Variants in IQCM observed in about 807,000 individuals in gnomAD.
IQCM encodes the protein IQ motif containing M.
IQCM carries 45 observed loss-of-function variants against 57.6 expected under a neutral mutation model. The observed-to-expected ratio is 0.78, with a 90% CI of 0.62 to 1.00. IQCM has a LOEUF of 1.00. IQCM is among the 50% of genes least tolerant of loss of function. The pLI, the probability that IQCM is intolerant of heterozygous loss-of-function variation, is 0.00. For synonymous variants in IQCM, 148 were observed against 158.9 expected (o/e 0.93, Z 0.51); for missense variants, 468 against 511.6 (o/e 0.91, Z 0.82).
At chr4:149,366,806 C>T (rs979967276) in intron 13 of IQCM, among the ~76,000 whole-genome samples, 3 of 151,680 alleles carry the variant, frequency 2.0e-5, no homozygotes, top group Non-Finnish European at 4.4e-5. Context: ...TGGATGTGTT[C>T]CTCAATAAGT....
intron 9 of IQCM, among the ~76,000 whole-genome samples, chr4:149,579,460 G>C (rs921033265): frequency 2.0e-5 from 3 of 151,848 alleles, no homozygotes; most frequent in African/African-American, 7.2e-5. Context: ...GCCTATCAGA[G>C]CAGTGTTTTT....
intron 5 of IQCM, among the ~76,000 whole-genome samples, chr4:149,692,040 C>A (rs2149797219): frequency 6.6e-6 from 1 of 152,196 alleles, no homozygotes; most frequent in Middle Eastern, 3.4e-3. Flanking sequence ...CCATGTGCTC[C>A]CCTATATTTT....
chr4:149,745,199 C>T (rs546300239), intron 2 of IQCM, among the ~76,000 whole-genome samples: 3 of 152,224 alleles, frequency 2.0e-5, no homozygotes, highest in Admixed American at 6.5e-5. Context: ...TGAGAATACT[C>T]GTAGTCTGGG....
intron 12 of IQCM, among the ~76,000 whole-genome samples, chr4:149,434,057 C>T (rs554927697): frequency 1.3e-4 from 19 of 151,974 alleles, no homozygotes; most frequent in Non-Finnish European, 2.4e-4. Flanking sequence ...ATTTGTATAG[C>T]ACATATTATG....
intron 13 of IQCM, among the ~76,000 whole-genome samples, chr4:149,366,822 C>T (rs1208691330): frequency 1.3e-5 from 2 of 151,756 alleles, no homozygotes; most frequent in Non-Finnish European, 2.9e-5. Context: ...TAAGTTCTTT[C>T]AAATTTCCTG....
intron 7 of IQCM, among the ~76,000 whole-genome samples, chr4:149,677,126 G>A (rs749435583): frequency 1.3e-5 from 2 of 152,012 alleles, no homozygotes; most frequent in Admixed American, 6.6e-5. Flanking sequence ...CAAAGTGAAC[G>A]AAGAGCTTAT....
chr4:149,774,752 C>T (rs1770920259), intron 2 of IQCM, among the ~76,000 whole-genome samples: 1 of 148,406 alleles, frequency 6.7e-6, no homozygotes, highest in Non-Finnish European at 1.5e-5. Context: ...GCCTATTAAA[C>T]TCCCCTCTTC....
intron 2 of IQCM, among the ~76,000 whole-genome samples, chr4:149,774,849 AAAGAG>A (rs1325795274): frequency 9.2e-5 from 14 of 151,982 alleles, no homozygotes; most frequent in African/African-American, 3.4e-4. Context: ...AGTATATATA[AAAGAG>A]AAGATAGAAA....
intron 2 of IQCM, among the ~76,000 whole-genome samples, chr4:149,808,430 A>G (rs1774272410): frequency 6.6e-6 from 1 of 152,156 alleles, no homozygotes; most frequent in Non-Finnish European, 1.5e-5. Flanking sequence ...AAGTTGGCTA[A>G]TGAGTACAAA....
intron 12 of IQCM, among the ~76,000 whole-genome samples, chr4:149,479,686 A>G (rs1023723175): frequency 3.9e-5 from 6 of 152,178 alleles, no homozygotes; most frequent in African/African-American, 1.4e-4. Context: ...TGAGTATGGT[A>G]GACATCTGCA....
chr4:149,528,554 A>C lies in IQCM; in HGVS notation c.1228+19901T>G, dbSNP rs573669356. Among the ~76,000 whole-genome samples the C allele has an allele frequency of 4.1e-4, 62 of 152,302 alleles. No homozygotes were observed. The South Asian group carries it at 6.2e-3, about 15-fold the overall frequency. On this transcript the variant is annotated intron_variant, in intron 12 of 13. Transcript: ENST00000636793. ...ATGTAATCATCCAATTGCCTTGGAG[A>C]GCTCTGAAGAAGTGGCTCATGGGAG... is the stretch of plus-strand genomic sequence containing the variant.
intron 13 of IQCM, among the ~76,000 whole-genome samples, chr4:149,415,562 C>CT (rs1055974265): frequency 6.6e-6 from 1 of 151,688 alleles, no homozygotes; most frequent in African/African-American, 2.4e-5. Flanking sequence ...GTGGCTCCTG[C>CT]TTTTTTTTAG....
At chr4:149,454,165 T>TACAC (rs1274315113) in intron 12 of IQCM, among the ~76,000 whole-genome samples, 78 of 146,888 alleles carry the variant, frequency 5.3e-4, no homozygotes, top group African/African-American at 1.9e-3. Context: ...TATATATATA[T>TACAC]ATACACACAC....
At chr4:149,439,879 C>T (rs1427141768) in intron 12 of IQCM, among the ~76,000 whole-genome samples, 1 of 151,742 alleles carries the variant, frequency 6.6e-6, no homozygotes, top group African/African-American at 2.4e-5. Context: ...TATTTCTTTT[C>T]ACTTTGTTGG....
intron 2 of IQCM, among the ~76,000 whole-genome samples, chr4:149,743,437 C>G (rs1344391929): frequency 6.6e-6 from 1 of 152,084 alleles, no homozygotes; most frequent in Non-Finnish European, 1.5e-5. Context: ...GCTAAAAACA[C>G]AGAGTGATCG....
chr4:149,653,291 C>G (rs1308659981), intron 7 of IQCM, among the ~76,000 whole-genome samples: 2 of 152,058 alleles, frequency 1.3e-5, no homozygotes, highest in Non-Finnish European at 2.9e-5. Context: ...TTTCCTTATC[C>G]CATCAGACTC....
intron 5 of IQCM, among the ~76,000 whole-genome samples, chr4:149,722,179 A>G (rs565795099): frequency 1.2e-4 from 18 of 152,246 alleles, no homozygotes; most frequent in African/African-American, 4.1e-4. Flanking sequence ...AGTTTCTTGT[A>G]GATTCTGGAT....
chr4:149,756,680 G>A (rs540560613), intron 2 of IQCM, among the ~76,000 whole-genome samples: 1 of 152,032 alleles, frequency 6.6e-6, no homozygotes, highest in Non-Finnish European at 1.5e-5. Flanking sequence ...TTTAAAAGAG[G>A]CATCAGTGTG....
intron 10 of IQCM, among the ~76,000 whole-genome samples, chr4:149,559,760 ATAAAAC>A (rs1749941196): frequency 6.6e-6 from 1 of 152,216 alleles, no homozygotes; most frequent in African/African-American, 2.4e-5. Context: ...ACGTTATGTA[ATAAAAC>A]TGTTCTATAC....
Sources: gnomAD v4.1 joint callset for allele counts (sites outside exome capture counted in the v4.1 genomes callset) on GRCh38, gnomAD v4.1.1 for gene constraint, MANE v1.5 for transcripts, NCBI Gene and HGNC (gene_info 2026-07-23, HGNC 2026-07-21) for gene names.